The following PPM1F variants were observed in gnomAD, a reference collection of about 807,000 sequenced individuals.
The protein encoded by PPM1F is protein phosphatase, Mg2+/Mn2+ dependent 1F.
A neutral mutation model predicts 35.5 loss-of-function variants in PPM1F; 17 were observed. The observed-to-expected ratio is 0.48, with a 90% CI of 0.33 to 0.72. PPM1F has a LOEUF of 0.72. PPM1F is among the 30% of genes least tolerant of loss of function. PPM1F has a pLI of 0.02. For missense variants in PPM1F, 521 were observed against 613.0 expected, an observed-to-expected ratio of 0.85 and a Z score of 1.59; for synonymous variants, 241 against 255.5, an observed-to-expected ratio of 0.94 and a Z score of 0.54.
At chr22:21,926,733 A>C (rs2145792267) in intron 6 of PPM1F, among the ~76,000 whole-genome samples, 1 of 152,194 alleles carries the variant, frequency 6.6e-6, no homozygotes, top group South Asian at 2.1e-4. Context: ...TTATCAGGTA[A>C]ACCTCTTGAC....
intron 3 of PPM1F, chr22:21,936,177 G>A (rs2070656655): frequency 6.6e-6 from 1 of 151,786 alleles, no homozygotes; most frequent in African/African-American, 2.4e-5. Flanking sequence ...TCTTAAAACA[G>A]AAAACTAAAA....
At chr22:21,940,149 G>A (rs2070708999) in intron 2 of PPM1F, among the ~76,000 whole-genome samples, 2 of 152,126 alleles carry the variant, frequency 1.3e-5, no homozygotes, top group African/African-American at 4.8e-5. Context: ...AGCAGGCTGG[G>A]CCCCTACTCC....
chr22:21,934,295 T>G (rs2070632654), intron 3 of PPM1F, 69 bp from the exon 4 acceptor site: 10 of 1,364,122 alleles, frequency 7.3e-6, no homozygotes, highest in Middle Eastern at 1.9e-4. Flanking sequence ...GCTGGCTCCC[T>G]GACAGCTCCC....
intron 3 of PPM1F, chr22:21,935,599 T>C (rs1451712997): frequency 6.6e-6 from 1 of 152,240 alleles, no homozygotes. Context: ...CCAGGCATAG[T>C]GGCTCATGCC....
intron 4 of PPM1F, 65 bp downstream of exon 4, chr22:21,933,958 TG>T (rs1294556213): frequency 4.1e-6 from 6 of 1,457,868 alleles, no homozygotes; most frequent in African/African-American, 1.4e-5. Flanking sequence ...TCTCGGTACC[TG>T]GGGGGCCCCC....
At chr22:21,925,248 G>A in intron 7 of PPM1F, 1 of 406,570 alleles carries the variant, frequency 2.5e-6, no homozygotes, top group Non-Finnish European at 4.3e-6. Flanking sequence ...AACGCGGGAG[G>A]AGGATAAACC....
At chr22:21,938,273 G>A (rs1033849559) in intron 3 of PPM1F, 8 of 1,281,936 alleles carry the variant, frequency 6.2e-6, no homozygotes, top group Middle Eastern at 2.6e-4. Context: ...GGGCGGTGGC[G>A]GCGCCCCCTT....
At chr22:21,945,573 C>A (rs2070768336) in intron 2 of PPM1F, 5 of 470,778 alleles carry the variant, frequency 1.1e-5, no homozygotes, top group Non-Finnish European at 1.9e-5. Flanking sequence ...CTCTTCCCTG[C>A]AGCCTTTGAG....
In PPM1F at chr22:21,939,226, G is replaced by C. The variant is rs562539137; in HGVS notation, c.355+306C>G. Reference sequence around the variant, plus strand: ...TCACCTGTGAGATCCTCTGTGAAACGGGATAAGCATCTTTAATTTCCTGGG... The same window carrying C: ...TCACCTGTGAGATCCTCTGTGAAACCGGATAAGCATCTTTAATTTCCTGGG... On this transcript the variant is annotated intron_variant, in intron 3 of 7. Transcript: ENST00000263212. The surrounding 1 kb of genome is among the most constrained non-coding windows in gnomAD (Gnocchi z 5.1). 1.8e-4 allele frequency: 60 copies of C among 341,324 alleles called. No homozygotes were observed. The highest frequency in any genetic ancestry group is 3.2e-4 in the Non-Finnish European group (59 of 183,806). The allele number at this position is 341,324 out of a possible 1,614,324, so 21.1% of individuals were successfully genotyped here. A position where few individuals can be genotyped will look rare whatever the true frequency, so the allele number is the denominator to read the frequency against.
intron 6 of PPM1F, chr22:21,925,877 A>C: frequency 2.2e-6 from 1 of 461,850 alleles, no homozygotes. Flanking sequence ...TAGTTGCAGG[A>C]ATGGTGAAAT....
At chr22:21,950,190 G>A (rs1274584741) in intron 1 of PPM1F, 2 of 152,036 alleles carry the variant, frequency 1.3e-5, no homozygotes, top group Non-Finnish European at 1.5e-5. Flanking sequence ...GCTCTCTCAT[G>A]GCTCCTCCTT....
rs951810521 is a variant in PPM1F at position 21,924,093 on chromosome 22, G to T, written c.986-622C>A. Among the ~76,000 whole-genome samples, 4 of 152,154 alleles carry T rather than the reference G, an allele frequency of 2.6e-5. No individual in the cohort carries two copies. In the South Asian group the frequency reaches 8.3e-4, roughly 32 times the overall value. On this transcript the variant is annotated intron_variant, in intron 7 of 7. Transcript: ENST00000263212. ...CCTGAGGATGGGCTGTCAAGAAGGT[G>T]CCACATCTGCCAAAAAGGACAGAAT... is the stretch of plus-strand genomic sequence containing the variant.
chr22:21,933,077 G>A (rs2070612002), intron 5 of PPM1F, among the ~76,000 whole-genome samples: 1 of 152,174 alleles, frequency 6.6e-6, no homozygotes, highest in Non-Finnish European at 1.5e-5. Context: ...GTCTGTGTCT[G>A]TCACCTTGCC....
intron 3 of PPM1F, chr22:21,938,111 T>G: frequency 7.7e-7 from 1 of 1,298,132 alleles, no homozygotes; most frequent in Admixed American, 2.3e-5. Flanking sequence ...CAGGCGAGAC[T>G]TCCTTCTAGC....
chr22:21,946,882 G>C (rs77955358), intron 1 of PPM1F: 15,773 of 152,198 alleles, frequency 0.1, 884 homozygotes, highest in Non-Finnish European at 0.12. Context: ...CGGCATGTGG[G>C]CTCTTCCTCC....
At position 21,922,941 on chromosome 22, in the gene PPM1F, CG is replaced by C; in HGVS notation, c.*150del. Reference sequence around the variant, plus strand: ...GTTCCACAGCCACCAGGACGGGCTGCGGGGGGTGTCCCGACTGGCTCTGGGG... The same window carrying C: ...GTTCCACAGCCACCAGGACGGGCTGCGGGGGTGTCCCGACTGGCTCTGGGG... On this transcript the variant is annotated 3_prime_UTR_variant, in exon 8 of 8. Coordinates refer to ENST00000263212, the MANE Select transcript of PPM1F (RefSeq NM_014634.4). 4 of 1,009,892 alleles carry C rather than the reference CG, an allele frequency of 4.0e-6. No individual in the cohort carries two copies. Among genetic ancestry groups the C allele is most frequent in the Non-Finnish European group, 5.8e-6 (4 of 685,590 alleles). The allele number at this position is 1,009,892 out of a possible 1,614,324, so 62.6% of individuals were successfully genotyped here.
chr22:21,946,306 A>G (rs1530229), intron 1 of PPM1F, 198 bp from the exon 2 acceptor site: 64,691 of 375,266 alleles, frequency 0.17, 6,332 homozygotes, highest in Middle Eastern at 0.22. Flanking sequence ...GTCTCAGGAG[A>G]TGGTGCCAGG....
chr22:21,925,220 A>G (rs1005090860), intron 7 of PPM1F: 8 of 396,296 alleles, frequency 2.0e-5, no homozygotes, highest in East Asian at 7.2e-5. Context: ...CAAAAGAGAA[A>G]AAAGGATTGT....
Position 21,921,368 on chromosome 22 carries a change from A to T in PPM1F, c.*1724T>A, listed in dbSNP as rs2070446038. 6.5e-6 allele frequency: 1 copy of T among 152,976 alleles called. No individual in the cohort carries two copies. The highest frequency in any genetic ancestry group is 6.6e-5 in the Admixed American group (1 of 15,238). 9.5% of individuals were successfully genotyped at this position (152,976 alleles called of 1,614,324 possible). ...CCCTGCACTGCTCTGACCTGCCTGG[A>T]GCAGCCCTGCCCACCTCCAGCTCAG... is the stretch of plus-strand genomic sequence containing the variant. On this transcript the variant is annotated 3_prime_UTR_variant, in exon 8 of 8. Transcript: ENST00000263212.
Sources: gnomAD v4.1 joint callset for allele counts (sites outside exome capture counted in the v4.1 genomes callset) on GRCh38, gnomAD v4.1.1 for gene constraint, Gnocchi (gnomAD v3.1) non-coding constraint, MANE v1.5 for transcripts, NCBI Gene and HGNC (gene_info 2026-07-23, HGNC 2026-07-21) for gene names.